The following TM9SF4 variants were observed in gnomAD, a reference collection of about 807,000 sequenced individuals.
TM9SF4 encodes dinucleotide oxidase disulfide thiol exchanger 3 superfamily member 4.
TM9SF4 carries 26 observed loss-of-function variants against 90.4 expected under a neutral mutation model. That is an observed-to-expected ratio of 0.29 (90% confidence interval 0.21 to 0.40). The LOEUF (loss-of-function observed/expected upper bound fraction) is 0.40, where lower values mean the gene tolerates loss of function less well. TM9SF4 is among the 10% of genes least tolerant of loss of function. TM9SF4 has a pLI of 1.00. For synonymous variants in TM9SF4, 293 were observed against 315.4 expected (o/e 0.93, Z 0.75); for missense variants, 549 against 834.8 (o/e 0.66, Z 4.22).
chr20:32,111,671 A>G lies in TM9SF4; in HGVS notation c.15+1916A>G, dbSNP rs144316352. 3.7e-3 allele frequency among the ~76,000 whole-genome samples: 561 copies of G among 152,306 alleles called. 3 individuals are homozygous for G. The highest frequency in any genetic ancestry group is 0.01 in the Middle Eastern group (3 of 294). On this transcript the variant is annotated intron_variant, in intron 1 of 17. Transcript: ENST00000398022. ...TGACTGGGTGACACAACTACTTTGGATTGAGTGGTCAGAAAGAAGTCTTCT... is the reference window on the plus strand; with the variant it reads ...TGACTGGGTGACACAACTACTTTGGGTTGAGTGGTCAGAAAGAAGTCTTCT...
chr20:32,134,410 T>C (rs2046565730), intron 2 of TM9SF4, among the ~76,000 whole-genome samples: 1 of 152,208 alleles, frequency 6.6e-6, no homozygotes, highest in Non-Finnish European at 1.5e-5. Flanking sequence ...AAGCAATTCA[T>C]GAAATGTTTA....
At chr20:32,129,472 AAC>A (rs1380448742) in intron 1 of TM9SF4, among the ~76,000 whole-genome samples, 1 of 152,174 alleles carries the variant, frequency 6.6e-6, no homozygotes, top group East Asian at 1.9e-4. Context: ...CACCCTGGAC[AAC>A]AGAGTGAGAC....
Position 32,158,521 on chromosome 20 carries a change from ACTGG to A in TM9SF4, c.1569+8_1569+11del. On this transcript the variant is annotated splice_region_variant and intron_variant, in intron 15 of 17. Coordinates refer to ENST00000398022, the MANE Select transcript of TM9SF4 (RefSeq NM_014742.4). ...GCTCTTCTTCATCTTCAGTGTGAGT[ACTGG>A]TGCCTCCCCCACCCCTCCACCCATG... 1 of 1,613,918 alleles carries A rather than the reference ACTGG, an allele frequency of 6.2e-7. No homozygotes were observed.
chr20:32,120,077 A>G (rs2046282188), intron 1 of TM9SF4, among the ~76,000 whole-genome samples: 1 of 152,208 alleles, frequency 6.6e-6, no homozygotes, highest in East Asian at 1.9e-4. Flanking sequence ...GAAATTATGT[A>G]GTATAAGTCC....
intron 6 of TM9SF4, 104 bp downstream of exon 6, chr20:32,143,209 G>T (rs2046706841): frequency 3.5e-6 from 5 of 1,431,334 alleles, no homozygotes; most frequent in Non-Finnish European, 4.7e-6. Flanking sequence ...GATGGGCTCG[G>T]GTGTGGCGTG....
At chr20:32,127,613 G>A (rs917380091) in intron 1 of TM9SF4, among the ~76,000 whole-genome samples, 1 of 152,130 alleles carries the variant, frequency 6.6e-6, no homozygotes, top group Non-Finnish European at 1.5e-5. Flanking sequence ...TTTCCTGTTC[G>A]GGCATTCTTG....
At chr20:32,121,907 G>C (rs1253635204) in intron 1 of TM9SF4, among the ~76,000 whole-genome samples, 2 of 143,492 alleles carry the variant, frequency 1.4e-5, no homozygotes, top group Non-Finnish European at 1.5e-5. Context: ...CCTCCCGGAC[G>C]GGGCGGCTGG....
rs547555660 is a variant in TM9SF4, at chr20:32,143,856, A to C, written c.652+751A>C. On this transcript the variant is annotated intron_variant, in intron 6 of 17. Coordinates refer to ENST00000398022, the MANE Select transcript of TM9SF4 (RefSeq NM_014742.4). ...CTGGGAGCTTCCCGAGCGCAGTTCT[A>C]CGTTTGCATGTGTGACGCTTTTGAG... Among the ~76,000 whole-genome samples, 6 of 152,044 alleles carry C rather than the reference A, an allele frequency of 3.9e-5. No homozygotes were observed. In the South Asian group the frequency reaches 1.2e-3, roughly 32 times the overall value.
intron 1 of TM9SF4, among the ~76,000 whole-genome samples, chr20:32,127,299 C>T (rs773239326): frequency 1.3e-5 from 2 of 152,140 alleles, no homozygotes; most frequent in Non-Finnish European, 2.9e-5. Context: ...ATCATCGTTA[C>T]AGTCTCCTCA....
rs1310236556 is a variant in TM9SF4, at chr20:32,144,956, T to C, written c.653-135T>C. 9.7e-6 allele frequency: 7 copies of C among 724,834 alleles called. No individual in the cohort carries two copies. In the East Asian group the frequency reaches 1.7e-4, roughly 18 times the overall value. The allele number at this position is 724,834 out of a possible 1,614,324, so 44.9% of individuals were successfully genotyped here. On this transcript the variant is annotated intron_variant, in intron 6 of 17. Coordinates refer to ENST00000398022, the MANE Select transcript of TM9SF4 (RefSeq NM_014742.4). ...AATGAAAAAAAACCATTGTTGCCCA[T>C]TGTGCTCCCAGTCTCCACTCCCACC... is the stretch of plus-strand genomic sequence containing the variant.
At chr20:32,164,755 A>G (rs909257816) in intron 17 of TM9SF4, among the ~76,000 whole-genome samples, 1 of 152,146 alleles carries the variant, frequency 6.6e-6, no homozygotes, top group Non-Finnish European at 1.5e-5. Context: ...TTTGTAAATA[A>G]CACAGATCCC....
chr20:32,119,347 G>A (rs2046272787), intron 1 of TM9SF4, among the ~76,000 whole-genome samples: 1 of 152,190 alleles, frequency 6.6e-6, no homozygotes, highest in African/African-American at 2.4e-5. Flanking sequence ...TGTAATCCCA[G>A]CACTTTGGGA....
chr20:32,121,009 A>G (rs891236546), intron 1 of TM9SF4, among the ~76,000 whole-genome samples: 1 of 152,068 alleles, frequency 6.6e-6, no homozygotes, highest in Non-Finnish European at 1.5e-5. Flanking sequence ...CCTAGATTCA[A>G]TTTTCTAATA....
intron 1 of TM9SF4, among the ~76,000 whole-genome samples, chr20:32,122,498 C>T (rs1258654034): frequency 1.1e-4 from 16 of 150,110 alleles, no homozygotes; most frequent in Admixed American, 9.2e-4. Context: ...ACGGGGCGGC[C>T]GGGCAGAGAC....
chr20:32,144,101 G>A (rs1407365924), intron 6 of TM9SF4, among the ~76,000 whole-genome samples: 1 of 151,994 alleles, frequency 6.6e-6, no homozygotes, highest in Non-Finnish European at 1.5e-5. Flanking sequence ...GCCCACTACC[G>A]CACCTGGCTA....
Position 32,146,801 on chromosome 20 carries a change from T to C in TM9SF4, c.900T>C (p.Ile300=), listed in dbSNP as rs1192837634. The C allele has an allele frequency of 1.5e-5, 25 of 1,613,982 alleles. No individual in the cohort carries two copies. Among genetic ancestry groups the C allele is most frequent in the Non-Finnish European group, 2.1e-5 (25 of 1,180,010 alleles). The part of the protein sequence containing the change: ...VFFLSGILSM[I]IIRTLRKDIA... ...CTATTTCAGGTATCCTGAGCATGAT[T>C]ATCATTCGGACCCTCCGGAAGGACA... The change falls in exon 9 of 18, where the codon ATT becomes ATC. Residue 300 remains isoleucine, a synonymous_variant. Transcript: ENST00000398022.
rs762803418 is a variant in TM9SF4 at position 32,165,779 on chromosome 20, T to C, written c.*335T>C. On this transcript the variant is annotated 3_prime_UTR_variant, in exon 18 of 18. Transcript: ENST00000398022. ...TTTTTTCCTTCTTTGTTTTAACAAA[T>C]GGATCCAGGATGGATAAATCCACCG... The C allele has an allele frequency of 1.7e-4, 46 of 277,378 alleles. No individual in the cohort carries two copies. The highest frequency in any genetic ancestry group is 3.2e-4 in the Non-Finnish European group (45 of 141,136). The allele number at this position is 277,378 out of a possible 1,614,324, so 17.2% of individuals were successfully genotyped here.
At chr20:32,141,145 A>T (rs2046670078) in intron 3 of TM9SF4, among the ~76,000 whole-genome samples, 1 of 141,128 alleles carries the variant, frequency 7.1e-6, no homozygotes, top group African/African-American at 2.7e-5. Flanking sequence ...TGAACCCAGG[A>T]GGCAGAGTTC....
intron 10 of TM9SF4, 39 bp from the exon 11 acceptor site, chr20:32,150,583 C>T: frequency 6.2e-7 from 1 of 1,612,074 alleles, no homozygotes; most frequent in Non-Finnish European, 8.5e-7. Flanking sequence ...ATCAGCCACC[C>T]TGCCTTTCTC....
Sources: allele counts gnomAD v4.1 joint callset (sites outside exome capture counted in the v4.1 genomes callset), GRCh38; gene constraint gnomAD v4.1.1; transcripts MANE v1.5; gene names NCBI Gene and HGNC (gene_info 2026-07-23, HGNC 2026-07-21).